Variants in TRIM39 observed in about 807,000 individuals in gnomAD.
TRIM39 encodes the protein tripartite motif containing 39.
TRIM39 carries 5 observed loss-of-function variants against 53.6 expected under a neutral mutation model. That is an observed-to-expected ratio of 0.09 (90% CI 0.05 to 0.20). The LOEUF is 0.20. Among genes scored for constraint, TRIM39 ranks in the 10% least tolerant of loss-of-function variants. The pLI, the probability that TRIM39 is intolerant of heterozygous loss-of-function variation, is 1.00. For missense variants in TRIM39, 310 were observed against 621.0 expected (o/e 0.50, Z 5.32); for synonymous variants, 196 against 237.6 (o/e 0.82, Z 1.61).
chr6:30,329,154 T>C (rs1197476914), intron 2 of TRIM39, 113 bp downstream of exon 2: 2 of 852,638 alleles, frequency 2.3e-6, no homozygotes, highest in Non-Finnish European at 3.5e-6. Context: ...AGAGGTTGAA[T>C]TGATTGGAAG....
At position 30,340,486 on chromosome 6, in the gene TRIM39, A is replaced by T. The variant is rs760001272; in HGVS notation, c.804-19A>T. 6.2e-7 allele frequency: 1 copy of T among 1,612,856 alleles called. No individual in the cohort carries two copies. The highest frequency in any genetic ancestry group is 1.7e-5 in the Admixed American group (1 of 60,020). On this transcript the variant is annotated intron_variant, in intron 6 of 7. Transcript: ENST00000396551. ...CCCTAACCCTGCCCTTTCTTCCCCTATCTCCCTATCCCTCCTAGATGTGAA... is the reference window on the plus strand; with the variant it reads ...CCCTAACCCTGCCCTTTCTTCCCCTTTCTCCCTATCCCTCCTAGATGTGAA...
chr6:30,341,608 C>T (rs980948349), intron 7 of TRIM39, 104 bp from the exon 8 acceptor site: 177 of 1,474,972 alleles, frequency 1.2e-4, no homozygotes, highest in Middle Eastern at 3.5e-4. Flanking sequence ...GTTCTGGGGA[C>T]CTTTAAGGGA....
intron 2 of TRIM39, 57 bp from the exon 3 acceptor site, chr6:30,329,254 A>AT: frequency 6.6e-7 from 1 of 1,523,198 alleles, no homozygotes; most frequent in Non-Finnish European, 8.8e-7. Flanking sequence ...AAAAAAAAAA[A>AT]AGAAAAAACC....
Position 30,339,816 on chromosome 6 carries a change from G to A in TRIM39, c.781-92G>A. 6.5e-7 allele frequency: 1 copy of A among 1,548,596 alleles called. No homozygotes were observed. The highest frequency in any genetic ancestry group is 8.9e-7 in the Non-Finnish European group (1 of 1,126,250). On this transcript the variant is annotated intron_variant, in intron 5 of 7. Transcript: ENST00000396551. This position sits in a 1 kb window ranked among gnomAD's most constrained non-coding sequence, Gnocchi z 4.2. ...CAGTTTATCCTATCCCTATTTTATA[G>A]CTGTGGAACTTTGGGGAGGAGGGGG...
intron 4 of TRIM39, among the ~76,000 whole-genome samples, chr6:30,333,550 A>AC (rs2127395947): frequency 6.6e-6 from 1 of 151,644 alleles, no homozygotes; most frequent in South Asian, 2.1e-4. Flanking sequence ...TTTAGTAGAG[A>AC]CAGGGTTTCA....
At position 30,335,931 on chromosome 6, in the gene TRIM39, G is replaced by A. The variant is rs1786798175; in HGVS notation, c.736G>A (p.Glu246Lys). 3.7e-6 allele frequency: 6 copies of A among 1,612,944 alleles called. No homozygotes were observed. The highest frequency in any genetic ancestry group is 1.1e-5 in the South Asian group (1 of 91,074). The stretch of plus-strand genomic sequence containing the variant: ...CCGGGACCTGGCCCACTTGGCTGCC[G>A]AGGTGGAGGGCAAGTGCTTACAGTC... Residue 246 changes from glutamate (E) to lysine (K), a missense_variant, in exon 5 of 8, where the codon GAG becomes AAG. Physicochemically the swap from Glu to Lys is moderately conservative, Grantham distance 56. Coordinates refer to ENST00000396551, the Ensembl canonical transcript of TRIM39. This position sits in a 1 kb window ranked among gnomAD's most constrained non-coding sequence, Gnocchi z 4.7.
At chr6:30,328,690 G>A (rs2127383929) in intron 1 of TRIM39, among the ~76,000 whole-genome samples, 199 bp from the exon 2 acceptor site, 1 of 151,542 alleles carries the variant, frequency 6.6e-6, no homozygotes, top group African/African-American at 2.4e-5. Context: ...TGTATTTTAT[G>A]TCTGGCCCAA....
At chr6:30,331,733 C>T (rs148032120) in intron 4 of TRIM39, among the ~76,000 whole-genome samples, 95 of 152,320 alleles carry the variant, frequency 6.2e-4, no homozygotes, top group Non-Finnish European at 1.1e-3. Context: ...GGATGAAAGC[C>T]ACTTCCTATG....
chr6:30,341,317 C>A, intron 7 of TRIM39: 1 of 513,568 alleles, frequency 1.9e-6, no homozygotes, highest in Non-Finnish European at 3.9e-6. Flanking sequence ...CACATGGTCA[C>A]CCTATCCCTA....
Position 30,339,452 on chromosome 6 carries a change from T to C in TRIM39, c.781-456T>C, listed in dbSNP as rs1351890855. Among the ~76,000 whole-genome samples, 1 of 152,148 alleles carries C rather than the reference T, an allele frequency of 6.6e-6. No individual in the cohort carries two copies. Among genetic ancestry groups the C allele is most frequent in the Non-Finnish European group, 1.5e-5 (1 of 68,020 alleles). On this transcript the variant is annotated intron_variant, in intron 5 of 7. Transcript: ENST00000396551. This position sits in a 1 kb window ranked among gnomAD's most constrained non-coding sequence, Gnocchi z 4.2. ...GCGTGAGCTACTGTGCCCAGCCAGT[T>C]ATTGATGTTTATTAACTAATGCAAG...
chr6:30,329,900 C>T lies in TRIM39; in HGVS notation c.453+130C>T, dbSNP rs2127387065. The T allele has an allele frequency of 3.8e-6, 5 of 1,315,284 alleles. No homozygotes were observed. The South Asian group carries it at 4.5e-5, about 12-fold the overall frequency. The allele number at this position is 1,315,284 out of a possible 1,614,324, so 81.5% of individuals were successfully genotyped here. On this transcript the variant is annotated intron_variant, in intron 3 of 7. Transcript: ENST00000396551. ...ATTCTCAGAGCTGCATATGCAGGGG[C>T]ACACAGTATGTGTGATCAGTTGTCC...
intron 7 of TRIM39, among the ~76,000 whole-genome samples, chr6:30,341,037 A>G (rs1409982608): frequency 2.6e-5 from 4 of 152,100 alleles, no homozygotes; most frequent in Non-Finnish European, 5.9e-5. Flanking sequence ...GTGAAACCCC[A>G]TCTCTACTAA....
chr6:30,328,233 A>G (rs1785646753), intron 1 of TRIM39, among the ~76,000 whole-genome samples: 1 of 152,248 alleles, frequency 6.6e-6, no homozygotes, highest in Non-Finnish European at 1.5e-5. Flanking sequence ...TTAGTTATCA[A>G]TAGCTATATT....
At chr6:30,330,184 C>T (rs767109959) in intron 3 of TRIM39, among the ~76,000 whole-genome samples, 1 of 152,174 alleles carries the variant, frequency 6.6e-6, no homozygotes, top group Non-Finnish European at 1.5e-5. Flanking sequence ...TGATACCTAC[C>T]GGACTAAGCT....
At chr6:30,341,848 C>T (rs1278126310) in exon 8 of TRIM39, 5 of 1,612,930 alleles carry the variant, frequency 3.1e-6, no homozygotes, top group Non-Finnish European at 4.2e-6. Context: ...ACCCTTGCGT[C>T]CTGGCTACTG....
exon 1 of TRIM39, chr6:30,326,612 C>T (rs1254896691): frequency 2.0e-5 from 3 of 152,452 alleles, no homozygotes; most frequent in Non-Finnish European, 4.4e-5. Context: ...CCTCGCCGGC[C>T]GGGGCGCCAG....
In TRIM39 at chr6:30,335,720, TACA is replaced by T. The variant is rs1484065127; in HGVS notation, c.550-21_550-19del. The T allele has an allele frequency of 6.2e-7, 1 of 1,609,954 alleles. No individual in the cohort carries two copies. Among genetic ancestry groups the T allele is most frequent in the Non-Finnish European group, 8.5e-7 (1 of 1,178,606 alleles). On this transcript the variant is annotated intron_variant, in intron 4 of 7. Transcript: ENST00000396551. This position sits in a 1 kb window ranked among gnomAD's most constrained non-coding sequence, Gnocchi z 4.7. ...CCTTATACCACACTGACCCTGCTGA[TACA>T]ACATCTTCCCTCTCTTCTCAGAGAC...
intron 1 of TRIM39, among the ~76,000 whole-genome samples, chr6:30,328,475 TG>T (rs1785689528): frequency 2.6e-5 from 4 of 152,238 alleles, no homozygotes; most frequent in African/African-American, 9.6e-5. Flanking sequence ...CAGATTTTCC[TG>T]AAAAGAGGAG....
rs781746952 is a variant in TRIM39 at position 30,335,859 on chromosome 6, A to G, written c.664A>G (p.Ile222Val). The change falls in exon 5 of 8, where the codon ATT becomes GTT. Residue 222 changes from isoleucine (I) to valine (V), a missense_variant. Ile to Val is a conservative substitution (Grantham distance 29). Around this residue, in one of 5 missense-constraint regions of TRIM39, gnomAD observed 161 missense variants for 210.0 expected, o/e 0.77. Coordinates refer to ENST00000396551, the Ensembl canonical transcript of TRIM39. This position sits in a 1 kb window ranked among gnomAD's most constrained non-coding sequence, Gnocchi z 4.7. ...ACGACTGGAAGAAGAGGAACAGGACATTCTGCAGCGACTCCGAGAAAATGC... is the reference window on the plus strand; with the variant it reads ...ACGACTGGAAGAAGAGGAACAGGACGTTCTGCAGCGACTCCGAGAAAATGC... 9.9e-6 allele frequency: 16 copies of G among 1,612,814 alleles called. No individual in the cohort carries two copies. Among genetic ancestry groups the G allele is most frequent in the Non-Finnish European group, 1.4e-5 (16 of 1,180,016 alleles).
Sources: gnomAD v4.1 joint callset for allele counts (sites outside exome capture counted in the v4.1 genomes callset) on GRCh38, gnomAD v4.1.1 for gene constraint, gnomAD v4.1.1 regional missense constraint, Gnocchi (gnomAD v3.1) non-coding constraint, MANE v1.5 for transcripts, NCBI Gene and HGNC (gene_info 2026-07-23, HGNC 2026-07-21) for gene names.